Variants in CFAP65 observed in about 807,000 individuals in gnomAD.
CFAP65 encodes the protein cilia- and flagella-associated protein 65.
CFAP65 carries 155 observed loss-of-function variants against 208.0 expected under a neutral mutation model. That is an observed-to-expected ratio of 0.75 (90% CI 0.65 to 0.85). The LOEUF (loss-of-function observed/expected upper bound fraction) is 0.85. CFAP65 is among the 40% of genes least tolerant of loss of function. The pLI, the probability that CFAP65 is intolerant of heterozygous loss-of-function variation, is 0.00. For synonymous variants in CFAP65, 970 were observed against 986.3 expected, an observed-to-expected ratio of 0.98 and a Z score of 0.31; for missense variants, 2,294 against 2,451.3, an observed-to-expected ratio of 0.94 and a Z score of 1.36.
At chr2:219,013,469 C>A (rs758042928) in intron 23 of CFAP65, 50 bp downstream of exon 23, 2 of 1,566,734 alleles carry the variant, frequency 1.3e-6, no homozygotes, top group Non-Finnish European at 1.7e-6. Context: ...TCCAGCCAGC[C>A]CCCTCCTCCA....
rs753147671 is a variant in CFAP65, at chr2:219,010,665, G to A, written c.4189C>T (p.Leu1397Phe). The stretch of plus-strand genomic sequence containing the variant: ...TAGCCCACTCCCTGGAAGTGGATGA[G>A]GGCCGAGTTCCATCCCAGGATGTGT... Reference protein sequence around the residue: ...PIHILGWNSALIHFQGVGYNP... With the variant: ...PIHILGWNSAFIHFQGVGYNP... Residue 1397 changes from leucine to phenylalanine, a missense_variant, in exon 26 of 35, where the codon CTC (leucine) becomes TTC (phenylalanine). By Grantham distance (22) the Leu-to-Phe change is conservative. This residue lies in a region of CFAP65 where 1,427 missense variants were observed against 1,438.7 expected (regional missense o/e 0.99). Transcript: ENST00000341552. 6.2e-7 allele frequency: 1 copy of A among 1,610,582 alleles called. No homozygotes were observed. The highest frequency in any genetic ancestry group is 2.2e-5 in the East Asian group (1 of 44,856).
intron 13 of CFAP65, chr2:219,027,268 C>T: frequency 7.3e-7 from 1 of 1,370,246 alleles, no homozygotes; most frequent in Non-Finnish European, 9.4e-7. Context: ...TCTCTAGGCC[C>T]AGCTTCCTGC....
Position 219,027,935 on chromosome 2 carries a change from G to A in CFAP65, c.1926C>T (p.Ser642=), listed in dbSNP as rs374576818. The stretch of plus-strand genomic sequence containing the variant: ...TGGGCGGGGGGAAGATGGTTATGTC[G>A]CTGGTGCCGTCGAAGAAGAACTCGG... ...PMTEFFFDGT[S]DITIFPPPIS... The change falls in exon 13 of 35, where the codon AGC becomes AGT. Residue 642 remains serine (S), a synonymous_variant. Coordinates refer to ENST00000341552, the MANE Select transcript of CFAP65 (RefSeq NM_194302.4). 34 of 1,521,664 alleles carry A rather than the reference G, an allele frequency of 2.2e-5. No homozygotes were observed. Among genetic ancestry groups the A allele is most frequent in the Admixed American group, 2.0e-4 (9 of 46,066 alleles). 94.3% of individuals were successfully genotyped at this position (1,521,664 alleles called of 1,614,324 possible).
chr2:219,026,105 A>G lies in CFAP65; in HGVS notation c.2266T>C (p.Cys756Arg). Residue 756 changes from cysteine (C) to arginine (R), a missense_variant, in exon 14 of 35, where the codon TGC (cysteine) becomes CGC (arginine). Transcript: ENST00000341552. ...TGGCCTCGTGCCCGCACCGTCAGGC[A>G]CCAGGATGGGCACATGGTGCAGTCC... is the stretch of plus-strand genomic sequence containing the variant. ...EEDCTMCPSWCLTVRARGHSY... is the reference protein window; with the variant it reads ...EEDCTMCPSWRLTVRARGHSY... 1.9e-6 allele frequency: 3 copies of G among 1,614,092 alleles called. No homozygotes were observed. Among genetic ancestry groups the G allele is most frequent in the Non-Finnish European group, 2.5e-6 (3 of 1,180,008 alleles).
rs766610319 is a variant in CFAP65 at position 219,029,944 on chromosome 2, G to A, written c.1384+42C>T. 7 of 1,572,902 alleles carry A rather than the reference G, an allele frequency of 4.5e-6. No individual in the cohort carries two copies. In the South Asian group the frequency reaches 5.6e-5, roughly 12 times the overall value. ...GAGCTCTTCAGAATCCTCAGCAGGG[G>A]CTGCTCCTGTCCCCAGGGGAGGCCC... On this transcript the variant is annotated intron_variant, in intron 10 of 34. Coordinates refer to ENST00000341552, the MANE Select transcript of CFAP65 (RefSeq NM_194302.4).
Position 219,019,081 on chromosome 2 carries a change from A to G in CFAP65, c.3572T>C (p.Leu1191Pro). The G allele has an allele frequency of 6.2e-7, 1 of 1,614,224 alleles. No individual in the cohort carries two copies. The highest frequency in any genetic ancestry group is 8.5e-7 in the Non-Finnish European group (1 of 1,180,036). Residue 1191 changes from leucine (L) to proline (P), a missense_variant, in exon 21 of 35, where the codon CTG becomes CCG. Around this residue, in one of 2 missense-constraint regions of CFAP65, gnomAD observed 1,427 missense variants for 1,438.7 expected, o/e 0.99. Transcript: ENST00000341552. ...CAGGGACACCACTCCGCTGTTCTTCAGGGCCAGGAATACCACGGAAGGTGG... is the reference window on the plus strand; with the variant it reads ...CAGGGACACCACTCCGCTGTTCTTCGGGGCCAGGAATACCACGGAAGGTGG... ...KAPPSVVFLALKNSGVVSLDW... is the reference protein window; with the variant it reads ...KAPPSVVFLAPKNSGVVSLDW...
intron 2 of CFAP65, 34 bp from the exon 3 acceptor site, chr2:219,039,084 A>G (rs752151659): frequency 7.7e-6 from 12 of 1,555,058 alleles, no homozygotes; most frequent in East Asian, 2.3e-5. Flanking sequence ...AAGTCAATCC[A>G]TCTCCAGAGC....
chr2:219,011,943 T>C (rs1349742945), intron 24 of CFAP65, among the ~76,000 whole-genome samples: 1 of 152,208 alleles, frequency 6.6e-6, no homozygotes, highest in Non-Finnish European at 1.5e-5. Context: ...CAGGAGGTGA[T>C]TCGGCCACAA....
intron 5 of CFAP65, chr2:219,034,581 T>G (rs2106253808): frequency 6.6e-6 from 1 of 151,936 alleles, no homozygotes; most frequent in Non-Finnish European, 1.5e-5. Context: ...AAAGACACAA[T>G]AAAGGGAGTA....
intron 13 of CFAP65, 97 bp downstream of exon 13, chr2:219,027,553 G>C: frequency 6.2e-7 from 1 of 1,612,968 alleles, no homozygotes; most frequent in South Asian, 1.1e-5. Context: ...AGAGGATGGA[G>C]CCTGAAGCTG....
chr2:219,026,277 A>G, intron 13 of CFAP65, 118 bp from the exon 14 acceptor site: 1 of 1,101,624 alleles, frequency 9.1e-7, no homozygotes, highest in Non-Finnish European at 1.3e-6. Context: ...CACAGACAGG[A>G]GGGCCTCCCT....
chr2:219,010,889 G>A lies in CFAP65; in HGVS notation c.4065C>T (p.Cys1355=), dbSNP rs559125298. The A allele has an allele frequency of 4.0e-5, 64 of 1,613,854 alleles. 1 individual carries two copies. The South Asian group carries it at 6.8e-4, about 17-fold the overall frequency. The change falls in exon 25 of 35, where the codon TGC becomes TGT. Residue 1355 remains cysteine (C), a synonymous_variant. Transcript: ENST00000341552. ...EKNFDHPIFC[C]LNPKGEIQPG... ...GCTGGATCTCCCCTTTGGGGTTGAGGCAGCAAAAGATGGGGTGATCAAAAT... is the reference window on the plus strand; with the variant it reads ...GCTGGATCTCCCCTTTGGGGTTGAGACAGCAAAAGATGGGGTGATCAAAAT...
intron 22 of CFAP65, 80 bp from the exon 23 acceptor site, chr2:219,013,665 G>C: frequency 1.4e-6 from 2 of 1,397,272 alleles, no homozygotes; most frequent in Non-Finnish European, 2.0e-6. Context: ...TGACATTTCT[G>C]TGGCTTTGAG....
rs1294019167 is a variant in CFAP65 at position 219,004,366 on chromosome 2, T to G, written c.5141A>C (p.Gln1714Pro). Residue 1714 changes from glutamine (Q) to proline (P), a missense_variant, in exon 33 of 35, where the codon CAG (glutamine) becomes CCG (proline). This residue lies in a region of CFAP65 where 1,427 missense variants were observed against 1,438.7 expected (regional missense o/e 0.99). Transcript: ENST00000341552. The surrounding 1 kb of genome is among the most constrained non-coding windows in gnomAD (Gnocchi z 4.7). The part of the protein sequence containing the change: ...VPYFRQFWNE[Q>P]STKFMDQKNS... Reference sequence around the variant, plus strand: ...TTTCTGGTCCATGAACTTAGTTGACTGCTCATTCCAGAATTGGCGGAAGTA... The same window carrying G: ...TTTCTGGTCCATGAACTTAGTTGACGGCTCATTCCAGAATTGGCGGAAGTA... The G allele has an allele frequency of 6.2e-7, 1 of 1,614,138 alleles. No homozygotes were observed.
intron 26 of CFAP65, among the ~76,000 whole-genome samples, 184 bp from the exon 27 acceptor site, chr2:219,010,269 C>T (rs1477525690): frequency 6.6e-6 from 1 of 151,930 alleles, no homozygotes; most frequent in Non-Finnish European, 1.5e-5. Flanking sequence ...TTAACATCCT[C>T]ATCCCAGTGA....
Position 219,039,005 on chromosome 2 carries a change from TTCTGGGTTTTCTCC to T in CFAP65, c.30_43del (p.Glu11GlyfsTer32), listed in dbSNP as rs1191740214. Reference sequence around the variant, plus strand: ...AAATGAGACTGATGGATTCTCCACCTTCTGGGTTTTCTCCACCAGTCTACAACCGGTTAAGGTAA... The same window carrying T: ...AAATGAGACTGATGGATTCTCCACCTACCAGTCTACAACCGGTTAAGGTAA... On this transcript the variant is annotated frameshift_variant, in exon 3 of 35. Coordinates refer to ENST00000341552, the MANE Select transcript of CFAP65 (RefSeq NM_194302.4). LOFTEE classifies it high-confidence loss of function. 1 of 1,613,436 alleles carries T rather than the reference TTCTGGGTTTTCTCC, an allele frequency of 6.2e-7. No homozygotes were observed. Among genetic ancestry groups the T allele is most frequent in the Non-Finnish European group, 8.5e-7 (1 of 1,179,622 alleles).
chr2:219,033,678 T>A (rs1948187395), intron 5 of CFAP65: 1 of 152,126 alleles, frequency 6.6e-6, no homozygotes, highest in Non-Finnish European at 1.5e-5. Flanking sequence ...AGAAAATCAA[T>A]CCTACCAGAC....
chr2:219,038,820 C>T, intron 3 of CFAP65, 76 bp downstream of exon 3: 1 of 1,495,938 alleles, frequency 6.7e-7, no homozygotes, highest in Middle Eastern at 1.9e-4. Flanking sequence ...AAGGCCCACC[C>T]CACTAGGCCC....
intron 13 of CFAP65, chr2:219,026,788 C>A: frequency 1.0e-5 from 10 of 986,094 alleles, no homozygotes; most frequent in Non-Finnish European, 1.2e-5. Context: ...GAGCCTGTAA[C>A]CTAAATATCT....
Sources: allele counts gnomAD v4.1 joint callset (sites outside exome capture counted in the v4.1 genomes callset), GRCh38; gene constraint gnomAD v4.1.1; regional missense constraint gnomAD v4.1.1; non-coding constraint Gnocchi (gnomAD v3.1); transcripts MANE v1.5; gene names NCBI Gene and HGNC (gene_info 2026-07-23, HGNC 2026-07-21).